PTPRJ: variants seen among roughly 807,000 people sequenced by gnomAD.
PTPRJ encodes the protein receptor-type tyrosine-protein phosphatase eta.
A neutral mutation model predicts 141.3 loss-of-function variants in PTPRJ; 129 were observed. The observed-to-expected ratio is 0.91, with a 90% CI of 0.79 to 1.06. The LOEUF (loss-of-function observed/expected upper bound fraction) is 1.06. PTPRJ is among the 50% of genes least tolerant of loss of function. The probability of loss-of-function intolerance (pLI) is 0.00; values close to 1 mark genes in which losing one functional copy is unlikely to be tolerated. For missense variants in PTPRJ, 1,601 were observed against 1,679.7 expected (o/e 0.95, Z 0.82); for synonymous variants, 610 against 640.5 (o/e 0.95, Z 0.72).
chr11:48,157,244 C>A (rs1212991464), intron 21 of PTPRJ, among the ~76,000 whole-genome samples: 3 of 152,132 alleles, frequency 2.0e-5, no homozygotes, highest in African/African-American at 7.2e-5. Flanking sequence ...GCCTTGGCCT[C>A]CCAAAGTGCT....
rs374929905 is a variant in PTPRJ, at chr11:48,036,014, A to G, written c.96+55006A>G. Among the ~76,000 whole-genome samples, 16 of 152,360 alleles carry G rather than the reference A, an allele frequency of 1.1e-4. No homozygotes were observed. The South Asian group carries it at 1.9e-3, about 18-fold the overall frequency. On this transcript the variant is annotated intron_variant, in intron 1 of 24. Coordinates refer to ENST00000418331, the MANE Select transcript of PTPRJ (RefSeq NM_002843.4). Reference sequence around the variant, plus strand: ...ATAGGACAGTGGGAGAAGGGGAGACATGGTCTACTTAATAGTGCATTCTTC... The same window carrying G: ...ATAGGACAGTGGGAGAAGGGGAGACGTGGTCTACTTAATAGTGCATTCTTC...
At chr11:48,056,215 T>G (rs1305110601) in intron 1 of PTPRJ, among the ~76,000 whole-genome samples, 2 of 152,234 alleles carry the variant, frequency 1.3e-5, no homozygotes, top group African/African-American at 4.8e-5. Flanking sequence ...AACATCTGAA[T>G]AGAAGTTAGA....
chr11:48,109,164 A>G (rs1208197077), intron 1 of PTPRJ, among the ~76,000 whole-genome samples: 1 of 152,150 alleles, frequency 6.6e-6, no homozygotes, highest in Admixed American at 6.5e-5. Context: ...CAGTGAGACC[A>G]GAGGGGCTAG....
At chr11:48,155,387 A>G (rs1857575882) in intron 19 of PTPRJ, among the ~76,000 whole-genome samples, 1 of 152,210 alleles carries the variant, frequency 6.6e-6, no homozygotes, top group African/African-American at 2.4e-5. Flanking sequence ...CAGTTTCCTC[A>G]TCTGTGAAAC....
At chr11:48,070,198 A>T (rs1399158412) in intron 1 of PTPRJ, among the ~76,000 whole-genome samples, 1 of 152,104 alleles carries the variant, frequency 6.6e-6, no homozygotes, top group Non-Finnish European at 1.5e-5. Flanking sequence ...CACCAGGAGG[A>T]TGTTGAGAAA....
intron 1 of PTPRJ, among the ~76,000 whole-genome samples, chr11:48,106,144 T>C (rs1290605981): frequency 2.0e-5 from 3 of 152,156 alleles, no homozygotes; most frequent in Non-Finnish European, 2.9e-5. Flanking sequence ...ACCAGGTATA[T>C]GGATGAAGGA....
chr11:48,102,533 C>T (rs1302434065), intron 1 of PTPRJ, among the ~76,000 whole-genome samples: 1 of 151,858 alleles, frequency 6.6e-6, no homozygotes, highest in Non-Finnish European at 1.5e-5. Flanking sequence ...GTCAGCCTCC[C>T]GAGTAGCTAG....
At chr11:48,094,884 G>A (rs1044051853) in intron 1 of PTPRJ, among the ~76,000 whole-genome samples, 1 of 152,146 alleles carries the variant, frequency 6.6e-6, no homozygotes, top group African/African-American at 2.4e-5. Flanking sequence ...CTAAGTTCTG[G>A]GTAGTGATGG....
intron 1 of PTPRJ, among the ~76,000 whole-genome samples, chr11:48,106,387 T>A (rs1296007447): frequency 6.6e-6 from 1 of 152,208 alleles, no homozygotes; most frequent in African/African-American, 2.4e-5. Flanking sequence ...TTCTCAGCCC[T>A]AGGATGAGGC....
intron 1 of PTPRJ, among the ~76,000 whole-genome samples, chr11:48,002,466 A>G (rs958278995): frequency 1.3e-5 from 2 of 152,096 alleles, no homozygotes; most frequent in Non-Finnish European, 2.9e-5. Flanking sequence ...AAAATGGGTA[A>G]ATGAGTGCAT....
rs1447986298 is a variant in PTPRJ, at chr11:48,120,994, A to G, written c.353-9A>G. The G allele has an allele frequency of 2.0e-6, 3 of 1,516,856 alleles. No homozygotes were observed. Among genetic ancestry groups the G allele is most frequent in the Non-Finnish European group, 1.8e-6 (2 of 1,133,892 alleles). 94.0% of individuals were successfully genotyped at this position (1,516,856 alleles called of 1,614,324 possible). A position where few individuals can be genotyped will look rare whatever the true frequency, so the allele number is the denominator to read the frequency against. On this transcript the variant is annotated splice_polypyrimidine_tract_variant and intron_variant, in intron 3 of 24. Transcript: ENST00000418331. The stretch of plus-strand genomic sequence containing the variant: ...TGCAATAATTTTTTTTTTTTTTTTA[A>G]CAATATAGGGCCCAGTCCTGTGTTT...
chr11:48,047,490 C>G (rs1484412627), intron 1 of PTPRJ, among the ~76,000 whole-genome samples: 1 of 137,340 alleles, frequency 7.3e-6, no homozygotes, highest in Non-Finnish European at 1.6e-5. Context: ...CAACATTAAC[C>G]TATGGTAATT....
chr11:48,167,257 A>G lies in PTPRJ; in HGVS notation c.3909A>G (p.Lys1303=). Residue 1303 remains lysine, a synonymous_variant, in exon 25 of 25, where the codon AAA becomes AAG. Coordinates refer to ENST00000418331, the MANE Select transcript of PTPRJ (RefSeq NM_002843.4). ...TTTTGGATATTGTCAGATCCCAGAA[A>G]GACTCAAAAGTAGATCTTATCTACC... is the stretch of plus-strand genomic sequence containing the variant. ...QCVLDIVRSQ[K]DSKVDLIYQN... is the part of the protein sequence containing the mutation. The G allele has an allele frequency of 6.2e-7, 1 of 1,612,766 alleles. No individual in the cohort carries two copies. Among genetic ancestry groups the G allele is most frequent in the Non-Finnish European group, 8.5e-7 (1 of 1,178,738 alleles).
At chr11:47,990,232 T>C (rs190592673) in intron 1 of PTPRJ, among the ~76,000 whole-genome samples, 6 of 152,102 alleles carry the variant, frequency 3.9e-5, no homozygotes, top group African/African-American at 1.2e-4. Context: ...CTCCAAGATA[T>C]CTAAATAAAT....
chr11:48,104,828 CAGCTTAGTGCTCCCTGGGGGTGGTTA>C (rs1856245089), intron 1 of PTPRJ, among the ~76,000 whole-genome samples: 1 of 152,190 alleles, frequency 6.6e-6, no homozygotes, highest in African/African-American at 2.4e-5. Context: ...AGGGTTGAAC[CAGCTTAGTGCTCCCTGGGGGTGGTTA>C]AGTTCAAGGA....
At chr11:48,023,375 G>A (rs186567141) in intron 1 of PTPRJ, among the ~76,000 whole-genome samples, 2 of 152,250 alleles carry the variant, frequency 1.3e-5, no homozygotes, top group Middle Eastern at 3.4e-3. Context: ...TCATTTGTAT[G>A]ATCACTTAGA....
chr11:48,032,476 G>A (rs904331108), intron 1 of PTPRJ, among the ~76,000 whole-genome samples: 5 of 152,182 alleles, frequency 3.3e-5, no homozygotes, highest in Non-Finnish European at 5.9e-5. Flanking sequence ...AATCTAGGCC[G>A]GGTGCGGTGG....
At chr11:48,095,579 C>CTT (rs11378534) in intron 1 of PTPRJ, among the ~76,000 whole-genome samples, 2,588 of 136,994 alleles carry the variant, frequency 0.019, 89 homozygotes, top group African/African-American at 0.065. Context: ...CAAACATATA[C>CTT]TTTTTTTTTT....
intron 2 of PTPRJ, among the ~76,000 whole-genome samples, chr11:48,112,352 G>T (rs1856462268): frequency 6.6e-6 from 1 of 152,170 alleles, no homozygotes; most frequent in Non-Finnish European, 1.5e-5. Flanking sequence ...AATGGAGTTT[G>T]GGGGTCAAGA....
Sources: gnomAD v4.1 joint callset for allele counts (sites outside exome capture counted in the v4.1 genomes callset) on GRCh38, gnomAD v4.1.1 for gene constraint, MANE v1.5 for transcripts, NCBI Gene and HGNC (gene_info 2026-07-23, HGNC 2026-07-21) for gene names.